The following TENM2 variants were observed in gnomAD, a reference collection of about 807,000 sequenced individuals.
TENM2 encodes the protein teneurin-2.
Under a neutral mutation model 245.2 loss-of-function variants are expected in TENM2, and 52 were observed. That is an observed-to-expected ratio of 0.21 (90% CI 0.17 to 0.27). The LOEUF (loss-of-function observed/expected upper bound fraction) is 0.27. Among genes scored for constraint, TENM2 ranks in the 10% least tolerant of loss-of-function variants. TENM2 has a pLI of 1.00. For synonymous variants in TENM2, 1,363 were observed against 1,438.9 expected, an observed-to-expected ratio of 0.95 and a Z score of 1.19; for missense variants, 3,046 against 3,666.8, an observed-to-expected ratio of 0.83 and a Z score of 4.37.
chr5:168,084,955 G>T (rs1581253454), intron 7 of TENM2, among the ~76,000 whole-genome samples: 1 of 152,220 alleles, frequency 6.6e-6, no homozygotes, highest in African/African-American at 2.4e-5. Context: ...AACCAGGCCA[G>T]CCACCAGATA....
At chr5:167,042,545 C>T in the TENM2 span, among the ~76,000 whole-genome samples, 1 of 152,098 alleles carries the variant, frequency 6.6e-6, no homozygotes, top group Non-Finnish European at 1.5e-5. Context: ...AAACTTAGAA[C>T]CACGAATTAT....
chr5:167,818,964 C>G lies in TENM2; in HGVS notation c.503-57022C>G, dbSNP rs1297356886. 3.3e-5 allele frequency among the ~76,000 whole-genome samples: 5 copies of G among 152,084 alleles called. No homozygotes were observed. The South Asian group carries it at 1.0e-3, about 32-fold the overall frequency. On this transcript the variant is annotated intron_variant, in intron 2 of 28. Coordinates refer to ENST00000518659, the Ensembl canonical transcript of TENM2. Reference sequence around the variant, plus strand: ...TGGGCCTAGGGAACCAACACACTCACGTGACATCATCCCACAGGGCAATCT... The same window carrying G: ...TGGGCCTAGGGAACCAACACACTCAGGTGACATCATCCCACAGGGCAATCT...
chr5:167,992,323 A>G (rs546868173), intron 4 of TENM2, among the ~76,000 whole-genome samples: 1 of 152,340 alleles, frequency 6.6e-6, no homozygotes, highest in African/African-American at 2.4e-5. Flanking sequence ...AATTTTAAAA[A>G]ATAATGAAAT....
At chr5:168,070,134 T>C (rs917518526) in intron 7 of TENM2, among the ~76,000 whole-genome samples, 2 of 152,348 alleles carry the variant, frequency 1.3e-5, no homozygotes, top group African/African-American at 2.4e-5. Flanking sequence ...AATGCTCCTC[T>C]TTTGACATCT....
the TENM2 span, among the ~76,000 whole-genome samples, chr5:167,232,903 C>T: frequency 6.6e-6 from 1 of 152,146 alleles, no homozygotes; most frequent in East Asian, 1.9e-4. Flanking sequence ...ACCACCATTA[C>T]CCAAAAACAT....
At chr5:168,241,586 C>T (rs1766107085) in intron 25 of TENM2, among the ~76,000 whole-genome samples, 1 of 152,022 alleles carries the variant, frequency 6.6e-6, no homozygotes, top group South Asian at 2.1e-4. Flanking sequence ...TTCTAATTGT[C>T]CTATAATAAA....
At chr5:167,450,296 G>A (rs1765498416) in intron 2 of TENM2, among the ~76,000 whole-genome samples, 1 of 152,176 alleles carries the variant, frequency 6.6e-6, no homozygotes, top group Admixed American at 6.5e-5. Context: ...TAGCCCTTGA[G>A]TAGACAGTTC....
upstream of TENM2, among the ~76,000 whole-genome samples, chr5:167,282,318 T>C (rs899550031): frequency 1.4e-4 from 22 of 152,188 alleles, no homozygotes; most frequent in Non-Finnish European, 2.5e-4. Context: ...ATGCTGAAAG[T>C]CTTCCTTTAT....
At chr5:167,935,065 G>C (rs1312511429) in intron 3 of TENM2, 1 of 235,640 alleles carries the variant, frequency 4.2e-6, no homozygotes, top group Non-Finnish European at 6.9e-6. Context: ...TGAGGACAGA[G>C]CCAGGGCAAG....
chr5:167,080,621 TAAAC>T, the TENM2 span, among the ~76,000 whole-genome samples: 1 of 151,882 alleles, frequency 6.6e-6, no homozygotes, highest in African/African-American at 2.4e-5. Flanking sequence ...CTAAAATAAA[TAAAC>T]AAATGAATGC....
At chr5:167,815,576 C>A (rs912256237) in intron 2 of TENM2, among the ~76,000 whole-genome samples, 2 of 152,180 alleles carry the variant, frequency 1.3e-5, no homozygotes, top group Non-Finnish European at 2.9e-5. Context: ...GCTGTGAACA[C>A]TTCTGGGGAA....
chr5:167,402,180 T>G (rs1464782506), intron 2 of TENM2, among the ~76,000 whole-genome samples: 1 of 152,148 alleles, frequency 6.6e-6, no homozygotes, highest in Non-Finnish European at 1.5e-5. Context: ...CTTTCTGAGA[T>G]TCTCCTTGGT....
chr5:167,373,188 G>A (rs1027476705), intron 1 of TENM2, among the ~76,000 whole-genome samples: 1 of 152,168 alleles, frequency 6.6e-6, no homozygotes, highest in Non-Finnish European at 1.5e-5. Flanking sequence ...ATTAGGCTGG[G>A]AAAGCTCAGT....
chr5:167,876,001 C>T, exon 3 of TENM2: 1 of 1,551,220 alleles, frequency 6.4e-7, no homozygotes, highest in Non-Finnish European at 8.7e-7. Context: ...CCCATTCCAC[C>T]TACATCCTCG....
chr5:167,227,094 A>G, the TENM2 span, among the ~76,000 whole-genome samples: 2 of 108,230 alleles, frequency 1.8e-5, no homozygotes, highest in Admixed American at 1.9e-4. Flanking sequence ...TTTCTTGTAG[A>G]CAGCATACAG....
intron 13 of TENM2, among the ~76,000 whole-genome samples, chr5:168,174,987 C>T (rs1218402620): frequency 6.6e-6 from 1 of 152,174 alleles, no homozygotes; most frequent in African/African-American, 2.4e-5. Context: ...TGCCCCCTGC[C>T]CCACTTAGGA....
At chr5:167,611,979 C>T (rs1308407751) in intron 2 of TENM2, among the ~76,000 whole-genome samples, 1 of 152,140 alleles carries the variant, frequency 6.6e-6, no homozygotes, top group Non-Finnish European at 1.5e-5. Flanking sequence ...GTTCCAAATA[C>T]TCTGAAGTGA....
At chr5:168,120,067 C>G (rs183267702) in intron 10 of TENM2, among the ~76,000 whole-genome samples, 162 of 152,338 alleles carry the variant, frequency 1.1e-3, no homozygotes, top group Middle Eastern at 3.4e-3. Flanking sequence ...CTTAGATACA[C>G]CCACATAGGG....
rs550518419 is a variant in TENM2 at position 167,285,104 on chromosome 5, AACTT to A, written c.226+46_226+49del. 106 of 1,455,048 alleles carry A rather than the reference AACTT, an allele frequency of 7.3e-5. No individual in the cohort carries two copies. In the African/African-American group the frequency reaches 1.4e-3, roughly 19 times the overall value. 90.1% of individuals were successfully genotyped at this position (1,455,048 alleles called of 1,614,324 possible). A position where few individuals can be genotyped will look rare whatever the true frequency, so the allele number is the denominator to read the frequency against. On this transcript the variant is annotated intron_variant, in intron 1 of 28. Transcript: ENST00000518659. ...CCTGCTGATTTGCTCTCAACTGTCT[AACTT>A]ACTTGATTTACATGGTTGATGGCTG...
Sources: gnomAD v4.1 joint callset for allele counts (sites outside exome capture counted in the v4.1 genomes callset) on GRCh38, gnomAD v4.1.1 for gene constraint, MANE v1.5 for transcripts, NCBI Gene and HGNC (gene_info 2026-07-23, HGNC 2026-07-21) for gene names.